The following CCDC88A variants were observed in gnomAD, a reference collection of about 807,000 sequenced individuals.
The protein encoded by CCDC88A is girdin.
CCDC88A carries 54 observed loss-of-function variants against 234.3 expected under a neutral mutation model. That is an observed-to-expected ratio of 0.23 (90% CI 0.19 to 0.29). CCDC88A has a LOEUF of 0.29. Ranked by LOEUF, CCDC88A falls within the 10% of genes least tolerant of loss-of-function variation. The pLI, the probability that CCDC88A is intolerant of heterozygous loss-of-function variation, is 1.00. For synonymous variants in CCDC88A, 753 were observed against 737.8 expected (o/e 1.02, Z -0.33); for missense variants, 1,832 against 2,123.4 (o/e 0.86, Z 2.70).
intron 2 of CCDC88A, chr2:55,418,123 C>G (rs1189341035): frequency 2.0e-5 from 3 of 152,092 alleles, no homozygotes; most frequent in Non-Finnish European, 4.4e-5. Context: ...TAGTACAAAC[C>G]CAATATTATA....
chr2:55,362,516 G>C, intron 6 of CCDC88A, 68 bp from the exon 7 acceptor site: 1 of 1,344,888 alleles, frequency 7.4e-7, no homozygotes. Context: ...TTTCACTATA[G>C]TACAATATTA....
At chr2:55,364,363 G>C (rs1558746810) in intron 5 of CCDC88A, 2 of 162,556 alleles carry the variant, frequency 1.2e-5, no homozygotes, top group Non-Finnish European at 2.7e-5. Flanking sequence ...GTTTCAGTGA[G>C]GATAAGTTAC....
chr2:55,355,827 C>A, intron 7 of CCDC88A, 76 bp from the exon 8 acceptor site: 2 of 1,144,626 alleles, frequency 1.7e-6, no homozygotes, highest in South Asian at 2.8e-5. Context: ...TCCACTAGGT[C>A]TAAGAATTGT....
At chr2:55,390,361 A>G (rs1451888701) in intron 2 of CCDC88A, among the ~76,000 whole-genome samples, 1 of 152,188 alleles carries the variant, frequency 6.6e-6, no homozygotes, top group African/African-American at 2.4e-5. Context: ...CCATACTCTG[A>G]GAACCACTGC....
intron 7 of CCDC88A, among the ~76,000 whole-genome samples, chr2:55,361,461 T>C (rs888426666): frequency 2.6e-5 from 4 of 152,152 alleles, no homozygotes; most frequent in Non-Finnish European, 5.9e-5. Context: ...GAAGAAAAAT[T>C]GAAAATTCAC....
intron 5 of CCDC88A, among the ~76,000 whole-genome samples, chr2:55,371,519 G>A (rs1299202907): frequency 6.6e-6 from 1 of 152,120 alleles, no homozygotes; most frequent in African/African-American, 2.4e-5. Flanking sequence ...TAGTATAATA[G>A]ATTTTGAAGT....
At chr2:55,379,385 T>C (rs906895237) in intron 3 of CCDC88A, among the ~76,000 whole-genome samples, 2 of 152,092 alleles carry the variant, frequency 1.3e-5, no homozygotes, top group African/African-American at 2.4e-5. Flanking sequence ...AAGAAACCTA[T>C]AAAAATAAAC....
Position 55,309,137 on chromosome 2 carries a change from A to T in CCDC88A, c.4172+25T>A. ...CCTAGTGTTTTTTTTCAGAATAAGA[A>T]TTCATAAAATTTGGTTAATGGTACC... is the stretch of plus-strand genomic sequence containing the variant. On this transcript the variant is annotated intron_variant, in intron 24 of 32. Coordinates refer to ENST00000436346, the MANE Select transcript of CCDC88A (RefSeq NM_001365480.1). The surrounding 1 kb of genome is among the most constrained non-coding windows in gnomAD (Gnocchi z 5.1). The T allele has an allele frequency of 6.8e-7, 1 of 1,462,120 alleles. No homozygotes were observed. The allele number at this position is 1,462,120 out of a possible 1,614,324, so 90.6% of individuals were successfully genotyped here.
chr2:55,332,414 A>ACC lies in CCDC88A; in HGVS notation c.2855+150_2855+151dup. On this transcript the variant is annotated intron_variant, in intron 16 of 32. Transcript: ENST00000436346. This position sits in a 1 kb window ranked among gnomAD's most constrained non-coding sequence, Gnocchi z 4.5. ...TGGGATTATAGGTGTGAGCCACCGC[A>ACC]CCCGGCTACAGAACTTTCCTTAAGG... is the stretch of plus-strand genomic sequence containing the variant. 1 of 1,311,340 alleles carries ACC rather than the reference A, an allele frequency of 7.6e-7. No individual in the cohort carries two copies. The allele number at this position is 1,311,340 out of a possible 1,614,324, so 81.2% of individuals were successfully genotyped here. A position where few individuals can be genotyped will look rare whatever the true frequency, so the allele number is the denominator to read the frequency against.
At chr2:55,402,914 C>T (rs759618454) in intron 2 of CCDC88A, among the ~76,000 whole-genome samples, 1 of 151,776 alleles carries the variant, frequency 6.6e-6, no homozygotes, top group Non-Finnish European at 1.5e-5. Flanking sequence ...GAGGCTGAGG[C>T]AGGAGAATGG....
intron 3 of CCDC88A, among the ~76,000 whole-genome samples, chr2:55,386,560 T>C (rs1470185586): frequency 6.6e-6 from 1 of 151,324 alleles, no homozygotes; most frequent in Non-Finnish European, 1.5e-5. Context: ...CAAACCCTGC[T>C]TCCTGGGTTC....
chr2:55,343,525 A>C, intron 12 of CCDC88A, 123 bp downstream of exon 12: 1 of 699,138 alleles, frequency 1.4e-6, no homozygotes. Flanking sequence ...GTGTGAAATC[A>C]TATCTATGGA....
intron 5 of CCDC88A, among the ~76,000 whole-genome samples, chr2:55,372,031 C>G (rs1672923457): frequency 6.6e-6 from 1 of 152,002 alleles, no homozygotes; most frequent in African/African-American, 2.4e-5. Flanking sequence ...ATTCTGCCTC[C>G]TTTTTTACCT....
chr2:55,313,872 T>C (rs1265842538), intron 22 of CCDC88A: 1 of 152,238 alleles, frequency 6.6e-6, no homozygotes, highest in Non-Finnish European at 1.5e-5. Flanking sequence ...TTTATCTGTA[T>C]GTTGTTAAAT....
intron 22 of CCDC88A, 79 bp downstream of exon 22, chr2:55,315,849 T>A (rs912997921): frequency 1.3e-6 from 1 of 784,820 alleles, no homozygotes; most frequent in Non-Finnish European, 1.9e-6. Flanking sequence ...AGTATTGTCA[T>A]TGTAATCTAG....
In CCDC88A at chr2:55,308,654, C is replaced by T. The variant is rs1038270610; in HGVS notation, c.4387+155G>A. 4.9e-6 allele frequency: 3 copies of T among 610,772 alleles called. No individual in the cohort carries two copies. The African/African-American group carries it at 5.6e-5, about 11-fold the overall frequency. 37.8% of individuals were successfully genotyped at this position (610,772 alleles called of 1,614,324 possible). ...TGATTTACCTCAGAAAATTGTGTGG[C>T]TGTACACTAATGCAGTACACAATTA... On this transcript the variant is annotated intron_variant, in intron 25 of 32. Transcript: ENST00000436346.
chr2:55,408,161 G>C (rs1679914487), intron 2 of CCDC88A, among the ~76,000 whole-genome samples: 1 of 151,664 alleles, frequency 6.6e-6, no homozygotes, highest in African/African-American at 2.4e-5. Context: ...CATTAGTACT[G>C]TCTAATCTTG....
intron 3 of CCDC88A, among the ~76,000 whole-genome samples, chr2:55,375,559 G>A (rs1008727219): frequency 7.9e-5 from 11 of 139,210 alleles, no homozygotes; most frequent in African/African-American, 1.4e-4. Context: ...ATGGAGTCTC[G>A]CTCTGTCAGC....
At chr2:55,375,326 T>C (rs1470078005) in intron 3 of CCDC88A, among the ~76,000 whole-genome samples, 1 of 151,894 alleles carries the variant, frequency 6.6e-6, no homozygotes, top group Non-Finnish European at 1.5e-5. Flanking sequence ...GCTAGAAAAT[T>C]AAGAAACATT....
Sources: gnomAD v4.1 joint callset for allele counts (sites outside exome capture counted in the v4.1 genomes callset) on GRCh38, gnomAD v4.1.1 for gene constraint, Gnocchi (gnomAD v3.1) non-coding constraint, MANE v1.5 for transcripts, NCBI Gene and HGNC (gene_info 2026-07-23, HGNC 2026-07-21) for gene names.